The following SMARCA2 variants were observed in gnomAD, a reference collection of about 807,000 sequenced individuals.
SMARCA2 encodes SWI/SNF related BAF chromatin remodeling complex subunit ATPase 2.
SMARCA2 carries 61 observed loss-of-function variants against 199.8 expected under a neutral mutation model. That is an observed-to-expected ratio of 0.31 (90% CI 0.25 to 0.38). The LOEUF (loss-of-function observed/expected upper bound fraction) is 0.38. Ranked by LOEUF, SMARCA2 falls within the 10% of genes least tolerant of loss-of-function variation. The probability of loss-of-function intolerance (pLI) is 1.00; values close to 1 mark genes in which losing one functional copy is unlikely to be tolerated. For synonymous variants in SMARCA2, 935 were observed against 732.0 expected (o/e 1.28, Z -4.48); for missense variants, 1,344 against 2,012.2 (o/e 0.67, Z 6.35).
chr9:2,081,600 G>A (rs1038557183), intron 14 of SMARCA2, among the ~76,000 whole-genome samples: 1 of 152,168 alleles, frequency 6.6e-6, no homozygotes, highest in African/African-American at 2.4e-5. Flanking sequence ...CGGCAAAGCT[G>A]CTTTAAAACT....
At chr9:2,067,012 GTCA>G (rs1178096120) in intron 9 of SMARCA2, among the ~76,000 whole-genome samples, 5 of 152,314 alleles carry the variant, frequency 3.3e-5, no homozygotes, top group South Asian at 4.1e-4. Flanking sequence ...AACCAGCAAT[GTCA>G]TCAAACTGAA....
chr9:2,058,276 T>G lies in SMARCA2; in HGVS notation c.1348-15T>G. Reference sequence around the variant, plus strand: ...GATTTTAAGTATCCTTTTCTTCCCTTTTTGGATCTTCTAGGAATACCTGAA... The same window carrying G: ...GATTTTAAGTATCCTTTTCTTCCCTGTTTGGATCTTCTAGGAATACCTGAA... On this transcript the variant is annotated splice_polypyrimidine_tract_variant and intron_variant, in intron 7 of 33. Transcript: ENST00000349721. 1 of 1,611,906 alleles carries G rather than the reference T, an allele frequency of 6.2e-7. No homozygotes were observed. The highest frequency in any genetic ancestry group is 8.5e-7 in the Non-Finnish European group (1 of 1,178,186).
At chr9:2,077,539 T>C (rs1002634567) in intron 13 of SMARCA2, 90 bp from the exon 14 acceptor site, 2 of 1,289,202 alleles carry the variant, frequency 1.6e-6, no homozygotes, top group African/African-American at 1.5e-5. Flanking sequence ...ATTGCAGCTA[T>C]TTTAGGTTCT....
At chr9:2,031,091 T>G (rs1819048495) in intron 2 of SMARCA2, among the ~76,000 whole-genome samples, 1 of 152,220 alleles carries the variant, frequency 6.6e-6, no homozygotes, top group Admixed American at 6.5e-5. Flanking sequence ...TATTGGTGTT[T>G]TTTTTTGGTT....
intron 27 of SMARCA2, among the ~76,000 whole-genome samples, chr9:2,143,521 G>A (rs1436770964): frequency 6.6e-6 from 1 of 152,182 alleles, no homozygotes; most frequent in Non-Finnish European, 1.5e-5. Flanking sequence ...CATAAGGGAG[G>A]CCATTTAAAT....
At chr9:2,155,663 C>G (rs1364077353) in intron 27 of SMARCA2, among the ~76,000 whole-genome samples, 1 of 148,820 alleles carries the variant, frequency 6.7e-6, no homozygotes, top group African/African-American at 2.5e-5. Flanking sequence ...CCGTAGCTCC[C>G]CTTTTCCCTT....
chr9:2,118,655 C>T (rs1244125749), intron 25 of SMARCA2, among the ~76,000 whole-genome samples: 1 of 152,172 alleles, frequency 6.6e-6, no homozygotes, highest in African/African-American at 2.4e-5. Context: ...CTTTTAGAAT[C>T]ATTTTTTAAG....
chr9:2,190,862 A>C lies in SMARCA2; in HGVS notation c.4595-404A>C, dbSNP rs968170185. Among the ~76,000 whole-genome samples, 11 of 152,294 alleles carry C rather than the reference A, an allele frequency of 7.2e-5. No individual in the cohort carries two copies. In the South Asian group the frequency reaches 2.3e-3, roughly 32 times the overall value. On this transcript the variant is annotated intron_variant, in intron 32 of 33. Coordinates refer to ENST00000349721, the MANE Select transcript of SMARCA2 (RefSeq NM_003070.5). ...TCAATGGAGTTATCTACATGGTAAAATTATTGGCCTTTAAACTCTTTACAT... is the reference window on the plus strand; with the variant it reads ...TCAATGGAGTTATCTACATGGTAAACTTATTGGCCTTTAAACTCTTTACAT...
chr9:2,147,193 G>A (rs918250737), intron 27 of SMARCA2, among the ~76,000 whole-genome samples: 1 of 135,070 alleles, frequency 7.4e-6, no homozygotes, highest in Non-Finnish European at 1.5e-5. Flanking sequence ...AAAAAGTACA[G>A]AATCGAGCTA....
At chr9:2,155,345 C>CT (rs1825296910) in intron 27 of SMARCA2, among the ~76,000 whole-genome samples, 2 of 151,922 alleles carry the variant, frequency 1.3e-5, no homozygotes, top group Admixed American at 1.3e-4. Context: ...TGCAGTGGGG[C>CT]AATCTCGGCT....
chr9:2,016,146 G>A lies in SMARCA2; in HGVS notation c.-37+742G>A, dbSNP rs1357793033. 1 of 152,484 alleles carries A rather than the reference G, an allele frequency of 6.6e-6. No homozygotes were observed. The highest frequency in any genetic ancestry group is 1.5e-5 in the Non-Finnish European group (1 of 68,276). The allele number at this position is 152,484 out of a possible 1,614,324, so 9.4% of individuals were successfully genotyped here. On this transcript the variant is annotated intron_variant, in intron 1 of 33. Transcript: ENST00000349721. The surrounding 1 kb of genome is among the most constrained non-coding windows in gnomAD (Gnocchi z 5.6). The stretch of plus-strand genomic sequence containing the variant: ...TAGCGGCCACTGCCGCGGGGCCGGT[G>A]CGTGCCTGATCGGAGGTGTCACCTC...
At position 2,090,999 on chromosome 9, in the gene SMARCA2, C is replaced by T. The variant is rs146809991; in HGVS notation, c.2883+2386C>T. 5.9e-5 allele frequency among the ~76,000 whole-genome samples: 9 copies of T among 152,164 alleles called. No individual in the cohort carries two copies. In the East Asian group the frequency reaches 7.7e-4, roughly 13 times the overall value. Reference sequence around the variant, plus strand: ...GGATAAAGAATCCAGAAAGGAACTACGGCAGATGGAGGAAAAGGCTAAATA... The same window carrying T: ...GGATAAAGAATCCAGAAAGGAACTATGGCAGATGGAGGAAAAGGCTAAATA... On this transcript the variant is annotated intron_variant, in intron 19 of 33. Transcript: ENST00000349721.
chr9:2,148,524 GT>G (rs1288278886), intron 27 of SMARCA2, among the ~76,000 whole-genome samples: 2 of 150,958 alleles, frequency 1.3e-5, no homozygotes, highest in Non-Finnish European at 3.0e-5. Context: ...AAGTTTTAGG[GT>G]ACATGTGCAC....
intron 1 of SMARCA2, among the ~76,000 whole-genome samples, chr9:2,027,103 T>C (rs553051833): frequency 1.3e-5 from 2 of 152,262 alleles, no homozygotes; most frequent in Non-Finnish European, 2.9e-5. Flanking sequence ...GATTTCTTTA[T>C]GGGAACACAA....
intron 23 of SMARCA2, among the ~76,000 whole-genome samples, chr9:2,108,221 G>C (rs1036052620): frequency 6.6e-6 from 1 of 152,146 alleles, no homozygotes; most frequent in Admixed American, 6.5e-5. Flanking sequence ...ACTGGACAGA[G>C]CTGGCCAAAG....
intron 29 of SMARCA2, among the ~76,000 whole-genome samples, chr9:2,175,670 G>C (rs1826532244): frequency 6.6e-6 from 1 of 152,048 alleles, no homozygotes; most frequent in South Asian, 2.1e-4. Context: ...AGTGTTTGTT[G>C]GGACCTACTT....
At chr9:2,185,742 A>G (rs1478067766) in intron 31 of SMARCA2, among the ~76,000 whole-genome samples, 1 of 152,214 alleles carries the variant, frequency 6.6e-6, no homozygotes, top group African/African-American at 2.4e-5. Context: ...ATTTTAAAGA[A>G]GATTGCTTTA....
chr9:2,058,244 G>T (rs1820441213), intron 7 of SMARCA2, 47 bp from the exon 8 acceptor site: 1 of 1,526,358 alleles, frequency 6.6e-7, no homozygotes, highest in Non-Finnish European at 9.1e-7. Context: ...GAGGACACTG[G>T]TCATTGGATT....
rs374179947 is a variant in SMARCA2, at chr9:2,186,091, T to A, written c.4462-5T>A. 9.3e-6 allele frequency: 15 copies of A among 1,613,396 alleles called. No homozygotes were observed. Among genetic ancestry groups the A allele is most frequent in the Middle Eastern group, 1.6e-4 (1 of 6,080 alleles). ...GTTTTAACAGATGCCCCTTTGACCA[T>A]TTAGATCTATGAAGACTCCATCGTC... is the stretch of plus-strand genomic sequence containing the variant. On this transcript the variant is annotated splice_region_variant and splice_polypyrimidine_tract_variant and intron_variant, in intron 31 of 33. Coordinates refer to ENST00000349721, the MANE Select transcript of SMARCA2 (RefSeq NM_003070.5).
Sources: gnomAD v4.1 joint callset for allele counts (sites outside exome capture counted in the v4.1 genomes callset) on GRCh38, gnomAD v4.1.1 for gene constraint, Gnocchi (gnomAD v3.1) non-coding constraint, MANE v1.5 for transcripts, NCBI Gene and HGNC (gene_info 2026-07-23, HGNC 2026-07-21) for gene names.